The following ZNF286A variants were observed in gnomAD, a reference collection of about 807,000 sequenced individuals.
The protein encoded by ZNF286A is zinc finger protein ZNF286.
ZNF286A carries 34 observed loss-of-function variants against 49.3 expected under a neutral mutation model. The ratio of observed to expected loss-of-function variants is 0.69; its 90% CI spans 0.52 to 0.92. ZNF286A has a LOEUF of 0.92. Ranked by LOEUF, ZNF286A falls within the 40% of genes least tolerant of loss-of-function variation. The pLI is 0.00. For missense variants in ZNF286A, 462 were observed against 600.2 expected (o/e 0.77, Z 2.41); for synonymous variants, 155 against 200.4 (o/e 0.77, Z 1.91).
intron 4 of ZNF286A, among the ~76,000 whole-genome samples, chr17:15,707,346 A>T (rs985683107): frequency 4.0e-5 from 6 of 151,790 alleles, no homozygotes; most frequent in Non-Finnish European, 8.8e-5. Context: ...AGGCTGAGGC[A>T]GGAGAATGGC....
intron 3 of ZNF286A, among the ~76,000 whole-genome samples, chr17:15,703,141 G>A (rs779863734): frequency 5.9e-5 from 9 of 152,110 alleles, no homozygotes; most frequent in Admixed American, 1.3e-4. Flanking sequence ...ATACACATGC[G>A]CGTGCACGCA....
In ZNF286A at chr17:15,708,281, T is replaced by C. The variant is rs1489550111; in HGVS notation, c.334+34T>C. ...GATAGATGGGAGTCTTCATAAATGA[T>C]AGCCCAGCAGGACAATGAAGAAATA... On this transcript the variant is annotated intron_variant, in intron 5 of 5. Transcript: ENST00000583566. 2.6e-6 allele frequency: 4 copies of C among 1,521,872 alleles called. No homozygotes were observed. In the African/African-American group the frequency reaches 4.2e-5, roughly 16 times the overall value. The allele number at this position is 1,521,872 out of a possible 1,614,324, so 94.3% of individuals were successfully genotyped here.
At chr17:15,704,223 G>T (rs1990014270) in intron 3 of ZNF286A, 1 of 1,585,268 alleles carries the variant, frequency 6.3e-7, no homozygotes, top group African/African-American at 1.3e-5. Flanking sequence ...GAAGGAGGAA[G>T]AGAGCCCACT....
rs1163534610 is a variant in ZNF286A, at chr17:15,704,790, C to T, written c.127-1597C>T. The T allele has an allele frequency of 1.9e-6, 3 of 1,613,848 alleles. No individual in the cohort carries two copies. In the African/African-American group the frequency reaches 4.0e-5, roughly 22 times the overall value. On this transcript the variant is annotated intron_variant, in intron 3 of 5. Coordinates refer to ENST00000583566, the MANE Select transcript of ZNF286A (RefSeq NM_001130842.2). ...TGACCTGGAGGTCGGTGAGGTCCTCCTCGTTGGGAAAGACCTTGATGCCAT... is the reference window on the plus strand; with the variant it reads ...TGACCTGGAGGTCGGTGAGGTCCTCTTCGTTGGGAAAGACCTTGATGCCAT...
intron 4 of ZNF286A, among the ~76,000 whole-genome samples, 158 bp downstream of exon 4, chr17:15,706,659 T>A (rs1201106409): frequency 6.6e-6 from 1 of 152,214 alleles, no homozygotes. Context: ...TCTAGATTCT[T>A]GATGAAATGT....
At chr17:15,711,159 G>A (rs1287146503) in intron 5 of ZNF286A, among the ~76,000 whole-genome samples, 10 of 151,988 alleles carry the variant, frequency 6.6e-5, no homozygotes, top group South Asian at 4.1e-4. Context: ...TGATCCGCCC[G>A]CCTAGGCCTC....
chr17:15,705,012 G>A (rs1347651670), intron 3 of ZNF286A: 14 of 701,756 alleles, frequency 2.0e-5, no homozygotes, highest in Admixed American at 8.6e-5. Flanking sequence ...AGGCCCCGGC[G>A]GCCCCGCTCC....
Position 15,718,842 on chromosome 17 carries a change from T to C in ZNF286A, c.*1552T>C, listed in dbSNP as rs1967219267. The stretch of plus-strand genomic sequence containing the variant: ...GGTTCCATGGGCTGTACAGGAAGTA[T>C]GACTGGGGAGGTCTCAGGGAGCTTT... On this transcript the variant is annotated 3_prime_UTR_variant, in exon 6 of 6. Coordinates refer to ENST00000583566, the MANE Select transcript of ZNF286A (RefSeq NM_001130842.2). The C allele has an allele frequency of 6.9e-6, 1 of 144,094 alleles. No homozygotes were observed. Among genetic ancestry groups the C allele is most frequent in the African/African-American group, 2.7e-5 (1 of 36,940 alleles). The allele number at this position is 144,094 out of a possible 1,614,324, so 8.9% of individuals were successfully genotyped here. A position where few individuals can be genotyped will look rare whatever the true frequency, so the allele number is the denominator to read the frequency against.
chr17:15,700,068 C>T, intron 1 of ZNF286A, 67 bp from the exon 2 acceptor site: 2 of 571,668 alleles, frequency 3.5e-6, no homozygotes, highest in Non-Finnish European at 6.2e-6. Flanking sequence ...CCCCCAGGGA[C>T]AGCTTCAAGC....
Position 15,719,808 on chromosome 17 carries a change from A to C in ZNF286A, c.*2518A>C, listed in dbSNP as rs936349437. The C allele has an allele frequency of 6.6e-6, 1 of 152,210 alleles. No individual in the cohort carries two copies. Among genetic ancestry groups the C allele is most frequent in the African/African-American group, 2.4e-5 (1 of 41,456 alleles). The allele number at this position is 152,210 out of a possible 1,614,324, so 9.4% of individuals were successfully genotyped here. ...TCTTGGCCCCTGTTCCAGAGCATTC[A>C]TCAAGTCAGATAAAGGGTTTAAACC... is the stretch of plus-strand genomic sequence containing the variant. On this transcript the variant is annotated 3_prime_UTR_variant, in exon 6 of 6. Transcript: ENST00000583566.
chr17:15,701,107 G>C, intron 2 of ZNF286A, 45 bp from the exon 3 acceptor site: 1 of 1,588,354 alleles, frequency 6.3e-7, no homozygotes, highest in Non-Finnish European at 8.6e-7. Context: ...AATCTGAGTG[G>C]CACGTTAAGC....
intron 5 of ZNF286A, among the ~76,000 whole-genome samples, chr17:15,711,711 A>T (rs866549437): frequency 2.0e-5 from 3 of 152,300 alleles, no homozygotes; most frequent in African/African-American, 7.2e-5. Context: ...AAATGCATAC[A>T]TGAATGGGTA....
intron 5 of ZNF286A, among the ~76,000 whole-genome samples, chr17:15,712,063 G>A (rs1312663948): frequency 2.0e-5 from 3 of 152,054 alleles, no homozygotes; most frequent in East Asian, 1.9e-4. Flanking sequence ...TAGTAGAGAT[G>A]GGGTTTCACC....
Position 15,716,673 on chromosome 17 carries a change from CAG to C in ZNF286A, c.953_954del (p.Arg318AsnfsTer9), listed in dbSNP as rs1967075031. ...AGAAAGCTCATCCCTTGCAACACAT[CAG>C]AGAATTCACGTTGGAGAGAGACCTT... ...FTESSSLATH[Q>X]RIHVGERPYE... is the part of the protein sequence containing the mutation. On this transcript the variant is annotated frameshift_variant, in exon 6 of 6. Coordinates refer to ENST00000583566, the MANE Select transcript of ZNF286A (RefSeq NM_001130842.2). LOFTEE classifies it high-confidence loss of function. 1.2e-6 allele frequency: 2 copies of C among 1,614,010 alleles called. No homozygotes were observed. The highest frequency in any genetic ancestry group is 1.7e-6 in the Non-Finnish European group (2 of 1,179,948).
At chr17:15,709,536 T>A (rs1309529752) in intron 5 of ZNF286A, among the ~76,000 whole-genome samples, 3 of 152,096 alleles carry the variant, frequency 2.0e-5, no homozygotes, top group Admixed American at 6.6e-5. Flanking sequence ...TTTATTCTCT[T>A]TCTCCCCTAG....
In ZNF286A at chr17:15,717,216, G is replaced by A. The variant is rs566128869; in HGVS notation, c.1492G>A (p.Glu498Lys). The change falls in exon 6 of 6, where the codon GAG (glutamate) becomes AAG (lysine). Residue 498 changes from glutamate to lysine, a missense_variant. Glu to Lys is a moderately conservative substitution (Grantham distance 56). Transcript: ENST00000583566. ...CGGAGAGAAACCCTTTAGATGTAAT[G>A]AGTGTGGGAAAAGCTTTAAGTGCAG... ...HTGEKPFRCNECGKSFKCSSS... is the reference protein window; with the variant it reads ...HTGEKPFRCNKCGKSFKCSSS... The A allele has an allele frequency of 1.8e-4, 291 of 1,608,166 alleles. 2 individuals are homozygous for A. In the South Asian group the frequency reaches 2.6e-3, roughly 15 times the overall value.
In ZNF286A at chr17:15,717,680, A is replaced by C. The variant is rs1967138818; in HGVS notation, c.*390A>C. ...TGGGTAGGTTAGGCTGAGGGCTTACATCCTTATCATCAGGAAGACACAATG... is the reference window on the plus strand; with the variant it reads ...TGGGTAGGTTAGGCTGAGGGCTTACCTCCTTATCATCAGGAAGACACAATG... On this transcript the variant is annotated 3_prime_UTR_variant, in exon 6 of 6. Coordinates refer to ENST00000583566, the MANE Select transcript of ZNF286A (RefSeq NM_001130842.2). 1.3e-5 allele frequency: 2 copies of C among 148,270 alleles called. No individual in the cohort carries two copies. Among genetic ancestry groups the C allele is most frequent in the South Asian group, 2.7e-4 (2 of 7,352 alleles). The allele number at this position is 148,270 out of a possible 1,614,324, so 9.2% of individuals were successfully genotyped here.
intron 4 of ZNF286A, among the ~76,000 whole-genome samples, chr17:15,707,798 G>A (rs1457122864): frequency 6.6e-6 from 1 of 152,134 alleles, no homozygotes; most frequent in Non-Finnish European, 1.5e-5. Flanking sequence ...TCAAGAGGTT[G>A]AGACCATATT....
chr17:15,716,038 T>C, intron 5 of ZNF286A, 21 bp from the exon 6 acceptor site: 5 of 1,613,880 alleles, frequency 3.1e-6, no homozygotes, highest in Non-Finnish European at 4.2e-6. Context: ...GAAGGAAATT[T>C]GCATTTCCAA....
Sources: allele counts gnomAD v4.1 joint callset (sites outside exome capture counted in the v4.1 genomes callset), GRCh38; gene constraint gnomAD v4.1.1; transcripts MANE v1.5; gene names NCBI Gene and HGNC (gene_info 2026-07-23, HGNC 2026-07-21).